ZNF579: variants seen among roughly 807,000 people sequenced by gnomAD.
ZNF579 encodes zinc finger protein 579.
A neutral mutation model predicts 5.7 loss-of-function variants in ZNF579; 3 were observed. That is an observed-to-expected ratio of 0.53 (90% CI 0.24 to 1.36). The LOEUF (loss-of-function observed/expected upper bound fraction) is 1.36. Ranked by LOEUF, ZNF579 falls within the 40% of genes most tolerant of loss-of-function variation. The pLI is 0.16. For missense variants in ZNF579, 679 were observed against 877.6 expected (o/e 0.77, Z 2.86); for synonymous variants, 454 against 409.0 (o/e 1.11, Z -1.33).
intron 1 of ZNF579, 82 bp from the exon 2 acceptor site, chr19:55,579,723 ACAGT>A (rs1200735700): frequency 3.0e-6 from 4 of 1,316,188 alleles, no homozygotes; most frequent in Admixed American, 4.0e-5. Context: ...AGAAGCAGAG[ACAGT>A]CAGAGATGGA....
intron 1 of ZNF579, 75 bp from the exon 2 acceptor site, chr19:55,579,716 A>G: frequency 7.5e-7 from 1 of 1,326,398 alleles, no homozygotes; most frequent in Non-Finnish European, 9.6e-7. Context: ...CAGAAAGAGA[A>G]GCAGAGACAG....
Position 55,577,987 on chromosome 19 carries a change from C to T in ZNF579, c.1653G>A (p.Lys551=), listed in dbSNP as rs2292812. Residue 551 remains lysine, a synonymous_variant, in exon 2 of 2, where the codon AAG becomes AAA. Coordinates refer to ENST00000325421, the MANE Select transcript of ZNF579 (RefSeq NM_152600.3). The part of the protein sequence containing the change: ...FEMEEEEVDS[K]AHLRGLGGLA... ...GGCCCCCCAGCCCGCGCAGGTGAGC[C>T]TTGCTGTCTACCTCTTCCTCCTCCA... 815,787 of 1,596,812 alleles carry T rather than the reference C, an allele frequency of 0.51. 212,472 individuals are homozygous for T. The highest frequency in any genetic ancestry group is 0.62 in the South Asian group (55,118 of 88,296).
In ZNF579 at chr19:55,577,782, G is replaced by C; in HGVS notation, c.*169C>G. ...TTCCTAACCAGCATCAGGGGTTCTG[G>C]GGGCGGGCGATGGGGGAGGAAGGGG... On this transcript the variant is annotated 3_prime_UTR_variant, in exon 2 of 2. Coordinates refer to ENST00000325421, the MANE Select transcript of ZNF579 (RefSeq NM_152600.3). 1 of 1,280,368 alleles carries C rather than the reference G, an allele frequency of 7.8e-7. No homozygotes were observed. The highest frequency in any genetic ancestry group is 2.5e-5 in the East Asian group (1 of 39,246). 79.3% of individuals were successfully genotyped at this position (1,280,368 alleles called of 1,614,324 possible). A position where few individuals can be genotyped will look rare whatever the true frequency, so the allele number is the denominator to read the frequency against.
At position 55,579,352 on chromosome 19, in the gene ZNF579, G is replaced by A. The variant is rs1199643246; in HGVS notation, c.288C>T (p.Pro96=). 25 of 1,363,634 alleles carry A rather than the reference G, an allele frequency of 1.8e-5. No individual in the cohort carries two copies. Among genetic ancestry groups the A allele is most frequent in the Admixed American group, 3.9e-5 (1 of 25,384 alleles). 84.5% of individuals were successfully genotyped at this position (1,363,634 alleles called of 1,614,324 possible). Residue 96 remains proline, a synonymous_variant, in exon 2 of 2, where the codon CCC becomes CCT. Coordinates refer to ENST00000325421, the MANE Select transcript of ZNF579 (RefSeq NM_152600.3). ...AGGCGGCGCAGCGCAGCGGGGGCTG[G>A]GGCCCGTGGCCGCGCAGGTGGCGGG... is the stretch of plus-strand genomic sequence containing the variant. ...HLSRHLRGHG[P]QPPLRCAACP...
At position 55,579,388 on chromosome 19, in the gene ZNF579, C is replaced by G; in HGVS notation, c.252G>C (p.Pro84=). 2.2e-6 allele frequency: 3 copies of G among 1,337,892 alleles called. No homozygotes were observed. Among genetic ancestry groups the G allele is most frequent in the Non-Finnish European group, 2.9e-6 (3 of 1,044,338 alleles). The allele number at this position is 1,337,892 out of a possible 1,614,324, so 82.9% of individuals were successfully genotyped here. A position where few individuals can be genotyped will look rare whatever the true frequency, so the allele number is the denominator to read the frequency against. Residue 84 remains proline, a synonymous_variant, in exon 2 of 2, where the codon CCG becomes CCC. Transcript: ENST00000325421. ...CPLCPKAFRR[P]AHLSRHLRGH... is the part of the protein sequence containing the mutation. Reference sequence around the variant, plus strand: ...CGCGCAGGTGGCGGGAAAGGTGGGCCGGCCGGCGGAAGGCCTTGGGGCACA... The same window carrying G: ...CGCGCAGGTGGCGGGAAAGGTGGGCGGGCCGGCGGAAGGCCTTGGGGCACA...
In ZNF579 at chr19:55,579,392, C is replaced by T; in HGVS notation, c.248G>A (p.Arg83Gln). 1 of 1,338,224 alleles carries T rather than the reference C, an allele frequency of 7.5e-7. No homozygotes were observed. Among genetic ancestry groups the T allele is most frequent in the Non-Finnish European group, 9.6e-7 (1 of 1,044,336 alleles). 82.9% of individuals were successfully genotyped at this position (1,338,224 alleles called of 1,614,324 possible). Residue 83 changes from arginine (R) to glutamine (Q), a missense_variant, in exon 2 of 2, where the codon CGG becomes CAG. Physicochemically the swap from Arg to Gln is conservative, Grantham distance 43 (BLOSUM62 1). Around this residue, in one of 6 missense-constraint regions of ZNF579, gnomAD observed 134 missense variants for 208.9 expected, o/e 0.64. Coordinates refer to ENST00000325421, the MANE Select transcript of ZNF579 (RefSeq NM_152600.3). ...CAGGTGGCGGGAAAGGTGGGCCGGC[C>T]GGCGGAAGGCCTTGGGGCACAGCGG... ...ACPLCPKAFR[R>Q]PAHLSRHLRG...
Position 55,578,745 on chromosome 19 carries a change from C to T in ZNF579, c.895G>A (p.Val299Met). 6.2e-7 allele frequency: 1 copy of T among 1,600,224 alleles called. No homozygotes were observed. The highest frequency in any genetic ancestry group is 1.1e-5 in the South Asian group (1 of 89,408). ...RLVHSTDRPF[V>M]CPDCGLAFRL... ...AAGGCCAGGCCGCAGTCTGGGCACA[C>T]GAAAGGGCGGTCGGTGGAGTGGACC... Residue 299 changes from valine to methionine, a missense_variant, in exon 2 of 2, where the codon GTG becomes ATG. By Grantham distance (21) the Val-to-Met change is conservative. Around this residue, in one of 6 missense-constraint regions of ZNF579, gnomAD observed 38 missense variants for 70.3 expected, o/e 0.54. Coordinates refer to ENST00000325421, the MANE Select transcript of ZNF579 (RefSeq NM_152600.3).
In ZNF579 at chr19:55,578,121, T is replaced by C; in HGVS notation, c.1519A>G (p.Ile507Val). The C allele has an allele frequency of 6.4e-7, 1 of 1,553,280 alleles. No homozygotes were observed. Among genetic ancestry groups the C allele is most frequent in the Non-Finnish European group, 8.7e-7 (1 of 1,148,384 alleles). ...CCCGGAGAGGGCGGCTCTTCCTTAA[T>C]GTTTGCGAGGGGCAGCGGGAGCCCT... is the stretch of plus-strand genomic sequence containing the variant. The part of the protein sequence containing the change: ...EEGLPLPLAN[I>V]KEEPPSPGTP... The change falls in exon 2 of 2, where the codon ATT becomes GTT. Residue 507 changes from isoleucine to valine, a missense_variant. Coordinates refer to ENST00000325421, the MANE Select transcript of ZNF579 (RefSeq NM_152600.3).
rs1262351470 is a variant in ZNF579, at chr19:55,578,644, C to G, written c.996G>C (p.Ala332=). The G allele has an allele frequency of 6.5e-7, 1 of 1,528,492 alleles. No homozygotes were observed. The allele number at this position is 1,528,492 out of a possible 1,614,324, so 94.7% of individuals were successfully genotyped here. A position where few individuals can be genotyped will look rare whatever the true frequency, so the allele number is the denominator to read the frequency against. ...PLSLLAPLPA[A]GKKDDKASGA... ...CCGAGGCCTTGTCGTCCTTCTTGCC[C>G]GCCGCGGGCAGCGGGGCCAGCAGGC... The change falls in exon 2 of 2, where the codon GCG becomes GCC. Residue 332 remains alanine, a synonymous_variant. Coordinates refer to ENST00000325421, the MANE Select transcript of ZNF579 (RefSeq NM_152600.3).
chr19:55,579,417 G>A lies in ZNF579; in HGVS notation c.223C>T (p.Pro75Ser). 1 of 1,336,916 alleles carries A rather than the reference G, an allele frequency of 7.5e-7. No homozygotes were observed. The allele number at this position is 1,336,916 out of a possible 1,614,324, so 82.8% of individuals were successfully genotyped here. A position where few individuals can be genotyped will look rare whatever the true frequency, so the allele number is the denominator to read the frequency against. ...CGGCGGAAGGCCTTGGGGCACAGCG[G>A]GCAGGCGTGGGGCCGGAGCCCCGAG... ...SHSGLRPHACPLCPKAFRRPA... is the reference protein window; with the variant it reads ...SHSGLRPHACSLCPKAFRRPA... The change falls in exon 2 of 2, where the codon CCG (proline) becomes TCG (serine). Residue 75 changes from proline (P) to serine (S), a missense_variant. This residue lies in a region of ZNF579 where 134 missense variants were observed against 208.9 expected (regional missense o/e 0.64). Coordinates refer to ENST00000325421, the MANE Select transcript of ZNF579 (RefSeq NM_152600.3).
rs1366291230 is a variant in ZNF579, at chr19:55,578,329, G to C, written c.1311C>G (p.Gly437=). 8 of 1,360,862 alleles carry C rather than the reference G, an allele frequency of 5.9e-6. No homozygotes were observed. The Admixed American group carries it at 1.6e-4, about 27-fold the overall frequency. 84.3% of individuals were successfully genotyped at this position (1,360,862 alleles called of 1,614,324 possible). ...LARHAQVHAG[G]PAPHPCPRCP... ...AGCGGGGGCACGGGTGCGGGGCTGG[G>C]CCCCCCGCGTGCACCTGTGCGTGGC... The change falls in exon 2 of 2, where the codon GGC becomes GGG. Residue 437 remains glycine (G), a synonymous_variant. Coordinates refer to ENST00000325421, the MANE Select transcript of ZNF579 (RefSeq NM_152600.3).
chr19:55,579,547 G>GCCACGGCCCCGA lies in ZNF579; in HGVS notation c.81_92dup (p.Arg32_Gly35dup), dbSNP rs1489563020. 2 of 1,474,742 alleles carry GCCACGGCCCCGA rather than the reference G, an allele frequency of 1.4e-6. No individual in the cohort carries two copies. Among genetic ancestry groups the GCCACGGCCCCGA allele is most frequent in the Non-Finnish European group, 1.8e-6 (2 of 1,118,656 alleles). 91.4% of individuals were successfully genotyped at this position (1,474,742 alleles called of 1,614,324 possible). ...GGGCTCCAGCGCCCCCCCTGCCACG[G>GCCACGGCCCCGA]CCACGGCCCCGACCACGGCCTCGGC... On this transcript the variant is annotated inframe_insertion, in exon 2 of 2. Transcript: ENST00000325421.
In ZNF579 at chr19:55,578,041, G is replaced by A. The variant is rs780161065; in HGVS notation, c.1599C>T (p.Phe533=). Residue 533 remains phenylalanine, a synonymous_variant, in exon 2 of 2, where the codon TTC becomes TTT. Coordinates refer to ENST00000325421, the MANE Select transcript of ZNF579 (RefSeq NM_152600.3). ...CGAAGGCTGAGTGGTCTTGGCTGTC[G>A]AAACAGGAGGCGCTGAGGAAGACAG... ...APPVFLSASC[F]DSQDHSAFEM... 5.6e-6 allele frequency: 9 copies of A among 1,593,656 alleles called. No homozygotes were observed. Among genetic ancestry groups the A allele is most frequent in the East Asian group, 2.3e-5 (1 of 44,114 alleles).
At position 55,579,043 on chromosome 19, in the gene ZNF579, G is replaced by C. The variant is rs1338689118; in HGVS notation, c.597C>G (p.Ala199=). The part of the protein sequence containing the change: ...AEPRESESEE[A]EAGAAELRAE... ...CCCTCAGCTCTGCTGCCCCGGCCTC[G>C]GCCTCCTCCGACTCCGACTCCCGGG... The change falls in exon 2 of 2, where the codon GCC becomes GCG. Residue 199 remains alanine, a synonymous_variant. Transcript: ENST00000325421. 9 of 1,530,438 alleles carry C rather than the reference G, an allele frequency of 5.9e-6. 1 individual carries two copies. Among genetic ancestry groups the C allele is most frequent in the East Asian group, 2.5e-5 (1 of 40,316 alleles). The allele number at this position is 1,530,438 out of a possible 1,614,324, so 94.8% of individuals were successfully genotyped here.
rs1366604173 is a variant in ZNF579 at position 55,577,754 on chromosome 19, C to T, written c.*197G>A. On this transcript the variant is annotated 3_prime_UTR_variant, in exon 2 of 2. Transcript: ENST00000325421. ...GCCTTAAGACACATGTTGGGGTGAG[C>T]GGTTCCTAACCAGCATCAGGGGTTC... 11 of 1,012,250 alleles carry T rather than the reference C, an allele frequency of 1.1e-5. No individual in the cohort carries two copies. Among genetic ancestry groups the T allele is most frequent in the Admixed American group, 2.9e-5 (1 of 34,014 alleles). 62.7% of individuals were successfully genotyped at this position (1,012,250 alleles called of 1,614,324 possible).
At position 55,577,213 on chromosome 19, in the gene ZNF579, C is replaced by T. The variant is rs539154060; in HGVS notation, c.*738G>A. The T allele has an allele frequency of 6.6e-6, 1 of 152,528 alleles. No homozygotes were observed. Among genetic ancestry groups the T allele is most frequent in the East Asian group, 1.9e-4 (1 of 5,192 alleles). 9.4% of individuals were successfully genotyped at this position (152,528 alleles called of 1,614,324 possible). On this transcript the variant is annotated 3_prime_UTR_variant, in exon 2 of 2. Transcript: ENST00000325421. Reference sequence around the variant, plus strand: ...AAGGTATTGGACTCCTCCTCAGTGCCTAGTACCACCGCTGACACAGAGTAA... The same window carrying T: ...AAGGTATTGGACTCCTCCTCAGTGCTTAGTACCACCGCTGACACAGAGTAA...
At position 55,579,346 on chromosome 19, in the gene ZNF579, G is replaced by T; in HGVS notation, c.294C>A (p.Pro98=). Residue 98 remains proline (P), a synonymous_variant, in exon 2 of 2, where the codon CCC becomes CCA. Coordinates refer to ENST00000325421, the MANE Select transcript of ZNF579 (RefSeq NM_152600.3). The part of the protein sequence containing the change: ...SRHLRGHGPQ[P]PLRCAACPRT... ...GGGGGCAGGCGGCGCAGCGCAGCGGGGGCTGGGGCCCGTGGCCGCGCAGGT... is the reference window on the plus strand; with the variant it reads ...GGGGGCAGGCGGCGCAGCGCAGCGGTGGCTGGGGCCCGTGGCCGCGCAGGT... The T allele has an allele frequency of 7.3e-7, 1 of 1,373,796 alleles. No homozygotes were observed. Among genetic ancestry groups the T allele is most frequent in the South Asian group, 1.7e-5 (1 of 60,556 alleles). The allele number at this position is 1,373,796 out of a possible 1,614,324, so 85.1% of individuals were successfully genotyped here.
Position 55,578,486 on chromosome 19 carries a change from C to G in ZNF579, c.1154G>C (p.Trp385Ser). ...GAAACCTTTGCCGCACTCTGGGCAC[C>G]AGAAGCGGGGCTCCCCGGCGGGGGG... Reference protein sequence around the residue: ...ARPPAGEPRFWCPECGKGFRR... With the variant: ...ARPPAGEPRFSCPECGKGFRR... Residue 385 changes from tryptophan (W) to serine (S), a missense_variant, in exon 2 of 2, where the codon TGG (tryptophan) becomes TCG (serine). By Grantham distance (177) the Trp-to-Ser change is radical. Transcript: ENST00000325421. 7.0e-7 allele frequency: 1 copy of G among 1,432,124 alleles called. No individual in the cohort carries two copies. Among genetic ancestry groups the G allele is most frequent in the Non-Finnish European group, 9.1e-7 (1 of 1,103,874 alleles). The allele number at this position is 1,432,124 out of a possible 1,614,324, so 88.7% of individuals were successfully genotyped here.
rs1312756957 is a variant in ZNF579, at chr19:55,578,137, C to G, written c.1503G>C (p.Pro501=). ...LKAEQEEEGL[P]LPLANIKEEP... ...CTTCCTTAATGTTTGCGAGGGGCAG[C>G]GGGAGCCCTTCTTCCTCCTGCTCGG... The change falls in exon 2 of 2, where the codon CCG becomes CCC. Residue 501 remains proline, a synonymous_variant. Transcript: ENST00000325421. 6.5e-7 allele frequency: 1 copy of G among 1,536,180 alleles called. No individual in the cohort carries two copies. Among genetic ancestry groups the G allele is most frequent in the Admixed American group, 2.1e-5 (1 of 48,400 alleles).
Sources: gnomAD v4.1 joint callset for allele counts on GRCh38, gnomAD v4.1.1 for gene constraint, gnomAD v4.1.1 regional missense constraint, MANE v1.5 for transcripts, NCBI Gene and HGNC (gene_info 2026-07-23, HGNC 2026-07-21) for gene names.